The following SYT1 variants were observed in gnomAD, a reference collection of about 807,000 sequenced individuals.
SYT1 encodes synaptotagmin 1, also known as synaptotagmin-1.
A neutral mutation model predicts 44.8 loss-of-function variants in SYT1; 8 were observed. The observed-to-expected ratio is 0.18, with a 90% CI of 0.10 to 0.32. The LOEUF (loss-of-function observed/expected upper bound fraction) is 0.32. SYT1 is among the 10% of genes least tolerant of loss of function. The pLI, the probability that SYT1 is intolerant of heterozygous loss-of-function variation, is 1.00. For missense variants in SYT1, 286 were observed against 509.3 expected (o/e 0.56, Z 4.22); for synonymous variants, 154 against 188.8 (o/e 0.82, Z 1.51).
chr12:79,016,383 G>A (rs1205014719), intron 2 of SYT1, among the ~76,000 whole-genome samples: 3 of 152,112 alleles, frequency 2.0e-5, no homozygotes, highest in Non-Finnish European at 4.4e-5. Context: ...GAGTCACATG[G>A]TTCCTGTTTA....
intron 2 of SYT1, among the ~76,000 whole-genome samples, chr12:79,026,667 T>TTTATA (rs1298013189): frequency 6.7e-4 from 69 of 102,256 alleles, no homozygotes; most frequent in East Asian, 5.0e-3. Context: ...CATATATATT[T>TTTATA]TATATATATA....
intron 9 of SYT1, among the ~76,000 whole-genome samples, chr12:79,391,813 A>G (rs1884667664): frequency 6.6e-6 from 1 of 152,192 alleles, no homozygotes; most frequent in African/African-American, 2.4e-5. Flanking sequence ...TCAGAAACCA[A>G]AGGATTTTAA....
intron 8 of SYT1, among the ~76,000 whole-genome samples, chr12:79,349,198 G>A (rs1020824892): frequency 1.3e-5 from 2 of 151,300 alleles, no homozygotes; most frequent in Admixed American, 6.6e-5. Context: ...GAAGGAAGGG[G>A]AAGGAAGGAA....
intron 8 of SYT1, among the ~76,000 whole-genome samples, chr12:79,338,593 T>G (rs1014091897): frequency 2.0e-5 from 3 of 151,404 alleles, no homozygotes; most frequent in Non-Finnish European, 4.4e-5. Context: ...TCTCTTTTTT[T>G]TTTCTTCAAT....
In SYT1 at chr12:79,224,805, G is replaced by A. The variant is rs1368579036; in HGVS notation, c.166+7120G>A. On this transcript the variant is annotated intron_variant, in intron 4 of 10. Coordinates refer to ENST00000261205, the MANE Select transcript of SYT1 (RefSeq NM_005639.3). ...TATTATTATTATTATTAGAGACAGA[G>A]TTTCACTCTTGTTACCCAGGCTGGA... Among the ~76,000 whole-genome samples, 3 of 148,436 alleles carry A rather than the reference G, an allele frequency of 2.0e-5. No individual in the cohort carries two copies. The East Asian group carries it at 5.9e-4, about 29-fold the overall frequency.
chr12:79,313,497 T>G (rs967456061), intron 8 of SYT1, among the ~76,000 whole-genome samples: 1 of 152,106 alleles, frequency 6.6e-6, no homozygotes, highest in Non-Finnish European at 1.5e-5. Flanking sequence ...TGTACCAAGT[T>G]TTTGGTCCAA....
At chr12:79,328,825 G>A (rs1313854478) in intron 8 of SYT1, among the ~76,000 whole-genome samples, 2 of 144,502 alleles carry the variant, frequency 1.4e-5, no homozygotes, top group Admixed American at 1.4e-4. Context: ...CAGCCTGGGC[G>A]ACAGAGCGAG....
intron 1 of SYT1, among the ~76,000 whole-genome samples, chr12:78,881,417 C>A (rs1454077999): frequency 6.6e-6 from 1 of 151,668 alleles, no homozygotes; most frequent in African/African-American, 2.4e-5. Flanking sequence ...TAGAGCCACC[C>A]CCTTTTGGTT....
intron 8 of SYT1, among the ~76,000 whole-genome samples, chr12:79,316,027 T>G (rs1881066219): frequency 6.6e-6 from 1 of 152,198 alleles, no homozygotes; most frequent in Non-Finnish European, 1.5e-5. Flanking sequence ...CTTTTTAAAT[T>G]GAAATAAAAT....
chr12:79,451,264 C>CTT lies in SYT1; in HGVS notation c.*2141_*2142dup, dbSNP rs1215630170. ...AATAACCGTCTGCCGATGGTCCGTA[C>CTT]TTCTTAAAAAACATAGGTAATAGAA... On this transcript the variant is annotated 3_prime_UTR_variant, in exon 11 of 11. Coordinates refer to ENST00000261205, the MANE Select transcript of SYT1 (RefSeq NM_005639.3). 1 of 152,166 alleles carries CTT rather than the reference C, an allele frequency of 6.6e-6. No homozygotes were observed. Among genetic ancestry groups the CTT allele is most frequent in the Non-Finnish European group, 1.5e-5 (1 of 68,020 alleles). The allele number at this position is 152,166 out of a possible 1,614,324, so 9.4% of individuals were successfully genotyped here.
At chr12:79,294,128 A>G (rs1879767903) in intron 6 of SYT1, among the ~76,000 whole-genome samples, 1 of 152,104 alleles carries the variant, frequency 6.6e-6, no homozygotes, top group Admixed American at 6.5e-5. Context: ...CATTCTGATT[A>G]GTCATAATTT....
intron 1 of SYT1, among the ~76,000 whole-genome samples, chr12:78,945,520 A>G (rs1238526477): frequency 4.0e-5 from 6 of 151,590 alleles, no homozygotes; most frequent in Non-Finnish European, 4.4e-5. Context: ...TTATAAAATT[A>G]CACAATTTTA....
chr12:79,004,476 T>G (rs2137543365), intron 2 of SYT1, among the ~76,000 whole-genome samples: 1 of 152,124 alleles, frequency 6.6e-6, no homozygotes, highest in Non-Finnish European at 1.5e-5. Context: ...TTGTATAAAT[T>G]ACTTTAGTTA....
At chr12:79,202,805 C>A (rs1873867300) in intron 3 of SYT1, among the ~76,000 whole-genome samples, 1 of 152,200 alleles carries the variant, frequency 6.6e-6, no homozygotes, top group Admixed American at 6.5e-5. Context: ...CTAAACGTTT[C>A]AAATCTTTTA....
At chr12:79,289,073 C>T (rs80326113) in intron 5 of SYT1, among the ~76,000 whole-genome samples, 8 of 152,278 alleles carry the variant, frequency 5.3e-5, no homozygotes, top group African/African-American at 1.4e-4. Flanking sequence ...GAAATTCAGT[C>T]CCTTGTGCTA....
chr12:79,285,637 T>C (rs758397708), intron 4 of SYT1, 150 bp from the exon 5 acceptor site: 1 of 564,730 alleles, frequency 1.8e-6, no homozygotes. Flanking sequence ...GACAACAACA[T>C]GGATAAAGTA....
At chr12:79,262,554 G>C (rs927434399) in intron 4 of SYT1, among the ~76,000 whole-genome samples, 1 of 152,132 alleles carries the variant, frequency 6.6e-6, no homozygotes, top group Non-Finnish European at 1.5e-5. Flanking sequence ...TTCCACATTT[G>C]TATTCTTGAG....
intron 4 of SYT1, among the ~76,000 whole-genome samples, chr12:79,260,421 G>A (rs961934021): frequency 5.3e-5 from 8 of 152,180 alleles, no homozygotes; most frequent in African/African-American, 1.9e-4. Flanking sequence ...GAAAATTGCT[G>A]TAGTAACAAG....
chr12:78,864,302 T>A (rs1873413917), upstream of SYT1: 3 of 149,896 alleles, frequency 2.0e-5, no homozygotes, highest in South Asian at 6.3e-4. Context: ...AACTCCTAGG[T>A]CGCTGTTGCA....
Sources: gnomAD v4.1 joint callset for allele counts (sites outside exome capture counted in the v4.1 genomes callset) on GRCh38, gnomAD v4.1.1 for gene constraint, MANE v1.5 for transcripts, NCBI Gene and HGNC (gene_info 2026-07-23, HGNC 2026-07-21) for gene names.